Variants in HDAC4 observed in about 807,000 individuals in gnomAD.
The protein encoded by HDAC4 is histone deacetylase A.
Under a neutral mutation model 135.1 loss-of-function variants are expected in HDAC4, and 16 were observed. The ratio of observed to expected loss-of-function variants is 0.12; its 90% CI spans 0.08 to 0.18. The LOEUF is 0.18. Ranked by LOEUF, HDAC4 falls within the 10% of genes least tolerant of loss-of-function variation. The pLI is 1.00. For synonymous variants in HDAC4, 685 were observed against 653.4 expected (o/e 1.05, Z -0.74); for missense variants, 1,143 against 1,511.8 (o/e 0.76, Z 4.05).
In HDAC4 at chr2:239,115,046, C is replaced by T. The variant is rs142841273; in HGVS notation, c.1791+7G>A. The T allele has an allele frequency of 1.5e-3, 2,492 of 1,609,110 alleles. 32 individuals are homozygous for T. The African/African-American group carries it at 0.028, about 18-fold the overall frequency. Reference sequence around the variant, plus strand: ...AGCCTTCTGGTGCCCTCCCCGCCTGCGGTCACCTGTCTGAAGAGCAGCTCC... The same window carrying T: ...AGCCTTCTGGTGCCCTCCCCGCCTGTGGTCACCTGTCTGAAGAGCAGCTCC... On this transcript the variant is annotated splice_region_variant and intron_variant, in intron 13 of 26. Coordinates refer to ENST00000543185, the MANE Select transcript of HDAC4 (RefSeq NM_001378414.1). This position sits in a 1 kb window ranked among gnomAD's most constrained non-coding sequence, Gnocchi z 6.3.
At chr2:239,173,823 T>C (rs1050007063) in intron 5 of HDAC4, among the ~76,000 whole-genome samples, 43 of 152,176 alleles carry the variant, frequency 2.8e-4, no homozygotes, top group African/African-American at 1.0e-3. Flanking sequence ...GGACACAAAG[T>C]CAATGGTCAA....
At chr2:239,366,689 C>T (rs1181619049) in intron 1 of HDAC4, among the ~76,000 whole-genome samples, 2 of 152,164 alleles carry the variant, frequency 1.3e-5, no homozygotes, top group South Asian at 2.1e-4. Context: ...ATTTGACTTA[C>T]GGTGTGAAAC....
Position 239,119,756 on chromosome 2 carries a change from GGA to G in HDAC4, c.1534-4448_1534-4447del, listed in dbSNP as rs748606425. Among the ~76,000 whole-genome samples, 22 of 152,218 alleles carry G rather than the reference GGA, an allele frequency of 1.4e-4. No individual in the cohort carries two copies. In the East Asian group the frequency reaches 1.7e-3, roughly 12 times the overall value. ...GGCTTTGCTCATCAGTGGATGGGCAGGAGAGGCTGCGGGTCTCTCCGAGGGGT... is the reference window on the plus strand; with the variant it reads ...GGCTTTGCTCATCAGTGGATGGGCAGGAGGCTGCGGGTCTCTCCGAGGGGT... On this transcript the variant is annotated intron_variant, in intron 12 of 26. Transcript: ENST00000543185.
chr2:239,116,907 T>A (rs1016706983), intron 12 of HDAC4, among the ~76,000 whole-genome samples: 2 of 152,222 alleles, frequency 1.3e-5, no homozygotes, highest in African/African-American at 4.8e-5. Context: ...ATCTTCCTGA[T>A]AGGGCAATGT....
intron 5 of HDAC4, among the ~76,000 whole-genome samples, chr2:239,170,769 G>A (rs866494391): frequency 3.9e-5 from 6 of 152,194 alleles, no homozygotes; most frequent in Non-Finnish European, 8.8e-5. Flanking sequence ...AACAGGGACC[G>A]CGGGGAGCAG....
chr2:239,328,900 C>T (rs543701972), intron 2 of HDAC4, among the ~76,000 whole-genome samples: 12 of 152,336 alleles, frequency 7.9e-5, no homozygotes, highest in East Asian at 3.9e-4. Flanking sequence ...GATTTACTGA[C>T]GCAAGAGCTC....
At position 239,349,377 on chromosome 2, in the gene HDAC4, C is replaced by T. The variant is rs551087232; in HGVS notation, c.22+3301G>A. Among the ~76,000 whole-genome samples, 13 of 152,356 alleles carry T rather than the reference C, an allele frequency of 8.5e-5. No homozygotes were observed. Among genetic ancestry groups the T allele is most frequent in the Non-Finnish European group, 1.5e-4 (10 of 68,040 alleles). ...CCTAGAAATTTCCCGCTCAAGAGAG[C>T]AAACTGAATCCTTTAGTATTAATGA... On this transcript the variant is annotated intron_variant, in intron 2 of 26. Coordinates refer to ENST00000543185, the MANE Select transcript of HDAC4 (RefSeq NM_001378414.1). The surrounding 1 kb of genome is among the most constrained non-coding windows in gnomAD (Gnocchi z 5.7).
At chr2:239,322,373 T>C (rs941134298) in intron 2 of HDAC4, among the ~76,000 whole-genome samples, 1 of 152,230 alleles carries the variant, frequency 6.6e-6, no homozygotes, top group Non-Finnish European at 1.5e-5. Context: ...GTGACTTCCT[T>C]TCTCAATGCC....
intron 6 of HDAC4, among the ~76,000 whole-genome samples, chr2:239,161,495 C>T (rs904222039): frequency 1.3e-5 from 2 of 152,160 alleles, no homozygotes; most frequent in Non-Finnish European, 2.9e-5. Flanking sequence ...GGTTTCAGTT[C>T]TTTCCCTATG....
At chr2:239,117,921 C>T (rs552453681) in intron 12 of HDAC4, among the ~76,000 whole-genome samples, 13 of 152,190 alleles carry the variant, frequency 8.5e-5, no homozygotes, top group South Asian at 8.3e-4. Flanking sequence ...TGAAATCCCC[C>T]GAGCCCTTGC....
chr2:239,129,917 AAAG>A (rs1414018891), intron 11 of HDAC4, among the ~76,000 whole-genome samples: 4 of 152,166 alleles, frequency 2.6e-5, no homozygotes, highest in African/African-American at 4.8e-5. Flanking sequence ...ATTTAAGAAA[AAAG>A]AAGGTGAAAG....
chr2:239,335,929 C>T (rs1386416946), intron 2 of HDAC4, among the ~76,000 whole-genome samples: 2 of 152,092 alleles, frequency 1.3e-5, no homozygotes, highest in Non-Finnish European at 2.9e-5. Flanking sequence ...TTGAAATATA[C>T]AAGAATGTTA....
intron 2 of HDAC4, among the ~76,000 whole-genome samples, chr2:239,252,530 G>C (rs1464885309): frequency 1.3e-5 from 2 of 152,160 alleles, no homozygotes; most frequent in Non-Finnish European, 2.9e-5. Flanking sequence ...AAGTTAAAGA[G>C]AAAAATCAAA....
At chr2:239,190,125 T>C in intron 3 of HDAC4, 48 bp from the exon 4 acceptor site, 1 of 1,497,554 alleles carries the variant, frequency 6.7e-7, no homozygotes, top group Non-Finnish European at 8.9e-7. Flanking sequence ...CCCTTTGCTG[T>C]CCCTGGGCCC....
intron 2 of HDAC4, among the ~76,000 whole-genome samples, chr2:239,292,359 A>T (rs190225194): frequency 1.7e-3 from 252 of 152,288 alleles, no homozygotes; most frequent in African/African-American, 5.9e-3. Flanking sequence ...CCTTTCTAGC[A>T]CTGGCTGTTT....
chr2:239,084,955 CCA>C lies in HDAC4; in HGVS notation c.2445-715_2445-714del, dbSNP rs370900590. ...ACAGAAACACTCACACACACACAAA[CCA>C]CAGACACATACAAGCACACACACAC... On this transcript the variant is annotated intron_variant, in intron 19 of 26. Coordinates refer to ENST00000543185, the MANE Select transcript of HDAC4 (RefSeq NM_001378414.1). 3.1e-3 allele frequency among the ~76,000 whole-genome samples: 438 copies of C among 140,620 alleles called. 3 individuals are homozygous for C. The highest frequency in any genetic ancestry group is 0.011 in the African/African-American group (412 of 37,450). 92.3% of individuals were successfully genotyped at this position (140,620 alleles called of 152,430 possible). A position where few individuals can be genotyped will look rare whatever the true frequency, so the allele number is the denominator to read the frequency against.
rs73000159 is a variant in HDAC4, at chr2:239,145,082, G to A, written c.734-368C>T. On this transcript the variant is annotated intron_variant, in intron 7 of 26. Transcript: ENST00000543185. Reference sequence around the variant, plus strand: ...CTGAGGTGTGAAGTCACTTAATGGCGATGTCTCGTAACTAATGCTCTTCTA... The same window carrying A: ...CTGAGGTGTGAAGTCACTTAATGGCAATGTCTCGTAACTAATGCTCTTCTA... Among the ~76,000 whole-genome samples the A allele has an allele frequency of 2.0e-4, 30 of 152,270 alleles. No homozygotes were observed. In the East Asian group the frequency reaches 3.5e-3, roughly 18 times the overall value.
intron 2 of HDAC4, among the ~76,000 whole-genome samples, chr2:239,328,268 C>T (rs751322970): frequency 6.6e-6 from 1 of 152,212 alleles, no homozygotes; most frequent in Non-Finnish European, 1.5e-5. Flanking sequence ...AGGCTTCTGG[C>T]CTCTTCACGG....
rs999519884 is a variant in HDAC4 at position 239,400,883 on chromosome 2, GCGGGCT to G, written c.-220+89_-220+94del. Reference sequence around the variant, plus strand: ...CGGCGGCGGCGGCGCGGGCGGGTGCGCGGGCTCGGGCTCGGGCTCGGGCGGCGGCGG... The same window carrying G: ...CGGCGGCGGCGGCGCGGGCGGGTGCGCGGGCTCGGGCTCGGGCGGCGGCGG... On this transcript the variant is annotated intron_variant, in intron 1 of 26. Transcript: ENST00000543185. This position sits in a 1 kb window ranked among gnomAD's most constrained non-coding sequence, Gnocchi z 4.7. 203 of 146,606 alleles carry G rather than the reference GCGGGCT, an allele frequency of 1.4e-3. 2 individuals carry two copies. Among genetic ancestry groups the G allele is most frequent in the Middle Eastern group, 7.0e-3 (2 of 284 alleles). The allele number at this position is 146,606 out of a possible 1,614,324, so 9.1% of individuals were successfully genotyped here. A position where few individuals can be genotyped will look rare whatever the true frequency, so the allele number is the denominator to read the frequency against.
Sources: allele counts gnomAD v4.1 joint callset (sites outside exome capture counted in the v4.1 genomes callset), GRCh38; gene constraint gnomAD v4.1.1; non-coding constraint Gnocchi (gnomAD v3.1); transcripts MANE v1.5; gene names NCBI Gene and HGNC (gene_info 2026-07-23, HGNC 2026-07-21).